MACROD1: variants seen among roughly 807,000 people sequenced by gnomAD.
MACROD1 encodes the protein ADP-ribose glycohydrolase MACROD1.
Under a neutral mutation model 41.4 loss-of-function variants are expected in MACROD1, and 31 were observed. That is an observed-to-expected ratio of 0.75 (90% confidence interval 0.56 to 1.01). The LOEUF (loss-of-function observed/expected upper bound fraction) is 1.01. Ranked by LOEUF, MACROD1 falls within the 50% of genes least tolerant of loss-of-function variation. The probability of loss-of-function intolerance (pLI) is 0.00; values close to 1 mark genes in which losing one functional copy is unlikely to be tolerated. For missense variants in MACROD1, 473 were observed against 460.0 expected (o/e 1.03, Z -0.26); for synonymous variants, 252 against 203.4 (o/e 1.24, Z -2.03).
chr11:63,998,839 A>G lies in MACROD1; in HGVS notation c.*29T>C. 1 of 1,576,446 alleles carries G rather than the reference A, an allele frequency of 6.3e-7. No individual in the cohort carries two copies. The highest frequency in any genetic ancestry group is 8.6e-7 in the Non-Finnish European group (1 of 1,164,416). Reference sequence around the variant, plus strand: ...CGCACGGGGCGAGGCCCTGCTTACCAGTCCCGGTCAGGGTGGGCTGCGGGA... The same window carrying G: ...CGCACGGGGCGAGGCCCTGCTTACCGGTCCCGGTCAGGGTGGGCTGCGGGA... On this transcript the variant is annotated splice_region_variant and 3_prime_UTR_variant, in exon 10 of 11. Transcript: ENST00000255681.
chr11:64,108,354 C>T (rs531462373), intron 3 of MACROD1, among the ~76,000 whole-genome samples: 1 of 151,986 alleles, frequency 6.6e-6, no homozygotes, highest in African/African-American at 2.4e-5. Context: ...GGCCACCCCA[C>T]AGTAGGCTGA....
chr11:64,104,749 G>A (rs1014733288), intron 3 of MACROD1, among the ~76,000 whole-genome samples: 3 of 152,176 alleles, frequency 2.0e-5, no homozygotes, highest in Admixed American at 2.0e-4. Flanking sequence ...CTGGCTTCCA[G>A]TTCAGCCTCT....
intron 3 of MACROD1, chr11:64,103,528 C>T (rs923106114): frequency 5.3e-5 from 8 of 151,560 alleles, no homozygotes; most frequent in African/African-American, 7.3e-5. Flanking sequence ...CTCTCAGCTC[C>T]GTCATGCAAG....
chr11:64,031,020 G>C (rs1381489438), intron 3 of MACROD1, among the ~76,000 whole-genome samples: 4 of 152,124 alleles, frequency 2.6e-5, no homozygotes, highest in Non-Finnish European at 5.9e-5. Context: ...GTGCAGAGAA[G>C]TAAGACCCTT....
intron 3 of MACROD1, among the ~76,000 whole-genome samples, chr11:64,084,874 G>T (rs889908520): frequency 1.3e-5 from 2 of 152,220 alleles, no homozygotes; most frequent in African/African-American, 4.8e-5. Context: ...GACTCACAGG[G>T]AGAGCTGCGT....
intron 3 of MACROD1, among the ~76,000 whole-genome samples, chr11:64,050,682 G>A (rs1418610585): frequency 4.6e-5 from 7 of 152,326 alleles, no homozygotes; most frequent in Non-Finnish European, 7.4e-5. Flanking sequence ...GCAGTGGCGC[G>A]ATCATGGCTC....
rs570209533 is a variant in MACROD1, at chr11:64,128,551, G to A, written c.517+22688C>T. 2.1e-3 allele frequency among the ~76,000 whole-genome samples: 316 copies of A among 152,130 alleles called. 2 individuals carry two copies. Among genetic ancestry groups the A allele is most frequent in the African/African-American group, 7.0e-3 (289 of 41,504 alleles). Reference sequence around the variant, plus strand: ...ATGGGGAAGGCCTGGCACGCCGCCCGCCTGAGGTAGACAGGAGGGCAGGTC... The same window carrying A: ...ATGGGGAAGGCCTGGCACGCCGCCCACCTGAGGTAGACAGGAGGGCAGGTC... On this transcript the variant is annotated intron_variant, in intron 3 of 10. Transcript: ENST00000255681.
chr11:64,031,758 G>A (rs1473074259), intron 3 of MACROD1, among the ~76,000 whole-genome samples: 1 of 152,170 alleles, frequency 6.6e-6, no homozygotes, highest in African/African-American at 2.4e-5. Context: ...GATTACAGGC[G>A]TGAGCTACTG....
At chr11:64,107,300 G>A (rs1022933388) in intron 3 of MACROD1, among the ~76,000 whole-genome samples, 12 of 152,178 alleles carry the variant, frequency 7.9e-5, no homozygotes, top group South Asian at 6.2e-4. Context: ...AAATAATGCC[G>A]AGAGAGAAAG....
intron 3 of MACROD1, among the ~76,000 whole-genome samples, chr11:64,061,796 C>T (rs1175540182): frequency 3.3e-5 from 5 of 150,938 alleles, no homozygotes; most frequent in South Asian, 2.1e-4. Context: ...ACTTCCTGGG[C>T]TCAAGCCATC....
chr11:64,083,855 C>T (rs899721561), intron 3 of MACROD1, among the ~76,000 whole-genome samples: 3 of 152,318 alleles, frequency 2.0e-5, no homozygotes, highest in Non-Finnish European at 2.9e-5. Flanking sequence ...CGGTGAGGGG[C>T]GCTGACCTGG....
At chr11:64,010,691 GC>G in intron 4 of MACROD1, among the ~76,000 whole-genome samples, 1 of 150,628 alleles carries the variant, frequency 6.6e-6, no homozygotes, top group Admixed American at 6.6e-5. Context: ...TGGGGTGTTG[GC>G]TGGCATGTTG....
intron 4 of MACROD1, among the ~76,000 whole-genome samples, chr11:64,003,215 CT>C (rs1375458993): frequency 1.3e-5 from 2 of 152,188 alleles, no homozygotes; most frequent in African/African-American, 4.8e-5. Context: ...TAAACTCCCC[CT>C]GATATGGCTC....
At chr11:64,046,588 G>A (rs192893798) in intron 3 of MACROD1, among the ~76,000 whole-genome samples, 3 of 152,232 alleles carry the variant, frequency 2.0e-5, no homozygotes, top group Non-Finnish European at 2.9e-5. Context: ...TTTTGTTCTC[G>A]TCGCTCAGGC....
chr11:64,125,037 C>G (rs1336307712), intron 3 of MACROD1, among the ~76,000 whole-genome samples: 2 of 152,168 alleles, frequency 1.3e-5, no homozygotes, highest in Non-Finnish European at 2.9e-5. Context: ...ACAGCTCCTG[C>G]TTCTGGTACC....
chr11:64,138,681 G>A (rs1945366394), intron 3 of MACROD1: 2 of 393,188 alleles, frequency 5.1e-6, no homozygotes, highest in South Asian at 2.1e-4. Flanking sequence ...TCCGAAGACA[G>A]GGAGGAGGCA....
intron 3 of MACROD1, among the ~76,000 whole-genome samples, chr11:64,068,232 G>A (rs898706778): frequency 6.6e-6 from 1 of 152,200 alleles, no homozygotes; most frequent in African/African-American, 2.4e-5. Flanking sequence ...ACCTCCACGC[G>A]GTGTCAGAAA....
chr11:64,133,487 G>A (rs1401984606), intron 3 of MACROD1, among the ~76,000 whole-genome samples: 1 of 152,170 alleles, frequency 6.6e-6, no homozygotes, highest in African/African-American at 2.4e-5. Context: ...GCGGCCGTGT[G>A]AAGTGTGGCT....
rs2134454113 is a variant in MACROD1, at chr11:64,067,817, A to C, written c.518-52536T>G. On this transcript the variant is annotated intron_variant, in intron 3 of 10. Coordinates refer to ENST00000255681, the MANE Select transcript of MACROD1 (RefSeq NM_014067.4). This position sits in a 1 kb window ranked among gnomAD's most constrained non-coding sequence, Gnocchi z 4.6. ...TGAGGGGCGGCTGTGCCACCCCCAC[A>C]CTCCTGAAATGGGTGATGAGGGGGT... Among the ~76,000 whole-genome samples, 1 of 151,488 alleles carries C rather than the reference A, an allele frequency of 6.6e-6. No homozygotes were observed. The highest frequency in any genetic ancestry group is 2.0e-4 in the East Asian group (1 of 5,108).
Sources: gnomAD v4.1 joint callset for allele counts (sites outside exome capture counted in the v4.1 genomes callset) on GRCh38, gnomAD v4.1.1 for gene constraint, Gnocchi (gnomAD v3.1) non-coding constraint, MANE v1.5 for transcripts, NCBI Gene and HGNC (gene_info 2026-07-23, HGNC 2026-07-21) for gene names.